ZNF84: variants seen among roughly 807,000 people sequenced by gnomAD.
ZNF84 encodes zinc finger protein HPF2.
Under a neutral mutation model 14.8 loss-of-function variants are expected in ZNF84, and 12 were observed. That is an observed-to-expected ratio of 0.81 (90% confidence interval 0.52 to 1.31). The LOEUF (loss-of-function observed/expected upper bound fraction) is 1.31. Ranked by LOEUF, ZNF84 falls within the 50% of genes most tolerant of loss-of-function variation. ZNF84 has a pLI of 0.00. For missense variants in ZNF84, 859 were observed against 878.6 expected, an observed-to-expected ratio of 0.98 and a Z score of 0.28; for synonymous variants, 347 against 291.1, an observed-to-expected ratio of 1.19 and a Z score of -1.96.
At position 133,062,946 on chromosome 12, in the gene ZNF84, G is replaced by A. The variant is rs1355651387; in HGVS notation, c.*4014G>A. ...CTATTGAATCTATATGAACCTGTAC[G>A]TGTGTTTCTCACTGTGATAATATAA... On this transcript the variant is annotated 3_prime_UTR_variant, in exon 5 of 5. Coordinates refer to ENST00000539354, the MANE Select transcript of ZNF84 (RefSeq NM_001289971.2). 11 of 614,056 alleles carry A rather than the reference G, an allele frequency of 1.8e-5. No individual in the cohort carries two copies. Among genetic ancestry groups the A allele is most frequent in the South Asian group, 1.8e-4 (9 of 51,020 alleles). 38.0% of individuals were successfully genotyped at this position (614,056 alleles called of 1,614,324 possible).
At chr12:133,052,851 G>A (rs1954095670) in intron 4 of ZNF84, among the ~76,000 whole-genome samples, 1 of 152,172 alleles carries the variant, frequency 6.6e-6, no homozygotes, top group Non-Finnish European at 1.5e-5. Context: ...ATGAGCATGG[G>A]GAAAAGTGTC....
In ZNF84 at chr12:133,063,264, C is replaced by G. The variant is rs1359525949; in HGVS notation, c.*4332C>G. ...GATTGTTGAATTCTTCTGTGAGATACTCCAAATATCCTAATAAATTCTCAT... is the reference window on the plus strand; with the variant it reads ...GATTGTTGAATTCTTCTGTGAGATAGTCCAAATATCCTAATAAATTCTCAT... On this transcript the variant is annotated 3_prime_UTR_variant, in exon 5 of 5. Transcript: ENST00000539354. The G allele has an allele frequency of 4.3e-6, 3 of 702,110 alleles. No homozygotes were observed. Among genetic ancestry groups the G allele is most frequent in the African/African-American group, 3.5e-5 (2 of 57,232 alleles). 43.5% of individuals were successfully genotyped at this position (702,110 alleles called of 1,614,324 possible).
In ZNF84 at chr12:133,059,079, T is replaced by C; in HGVS notation, c.*147T>C. On this transcript the variant is annotated 3_prime_UTR_variant, in exon 5 of 5. Transcript: ENST00000539354. The stretch of plus-strand genomic sequence containing the variant: ...AATGAGGTGGTGTATGGAAAGCCGA[T>C]CATAATTCATAGAGTAGAGTGAACC... 1 of 788,574 alleles carries C rather than the reference T, an allele frequency of 1.3e-6. No individual in the cohort carries two copies. The highest frequency in any genetic ancestry group is 1.9e-5 in the South Asian group (1 of 53,420). The allele number at this position is 788,574 out of a possible 1,614,324, so 48.8% of individuals were successfully genotyped here.
At chr12:133,052,053 A>C (rs1054986369) in intron 4 of ZNF84, among the ~76,000 whole-genome samples, 1 of 152,226 alleles carries the variant, frequency 6.6e-6, no homozygotes, top group Non-Finnish European at 1.5e-5. Context: ...TAAGCAGGAA[A>C]AAATTCAGAT....
At chr12:133,053,877 C>T (rs1026862343) in intron 4 of ZNF84, among the ~76,000 whole-genome samples, 42 of 152,182 alleles carry the variant, frequency 2.8e-4, no homozygotes, top group Non-Finnish European at 5.4e-4. Context: ...ATTCTTGATT[C>T]TTTTTCCCTT....
chr12:133,060,502 G>C lies in ZNF84; in HGVS notation c.*1570G>C, dbSNP rs1954242280. The C allele has an allele frequency of 6.6e-6, 1 of 152,114 alleles. No individual in the cohort carries two copies. The highest frequency in any genetic ancestry group is 2.1e-4 in the South Asian group (1 of 4,830). 9.4% of individuals were successfully genotyped at this position (152,114 alleles called of 1,614,324 possible). On this transcript the variant is annotated 3_prime_UTR_variant, in exon 5 of 5. Coordinates refer to ENST00000539354, the MANE Select transcript of ZNF84 (RefSeq NM_001289971.2). ...CCAACTTACCAAACATCATAGCTTA[G>C]CGTAGCCTACCTTAAACATTCTCAG...
Position 133,058,364 on chromosome 12 carries a change from A to G in ZNF84, c.1649A>G (p.Lys550Arg), listed in dbSNP as rs61735099. The change falls in exon 5 of 5, where the codon AAG becomes AGG. Residue 550 changes from lysine to arginine, a missense_variant. Transcript: ENST00000539354. ...CCCTATGAATGCAGTGAATGTGGGA[A>G]GGCCTTTGGTGAGAAGTCAAGTCTT... ...EKPYECSECGKAFGEKSSLAT... is the reference protein window; with the variant it reads ...EKPYECSECGRAFGEKSSLAT... 30,301 of 1,614,156 alleles carry G rather than the reference A, an allele frequency of 0.019. 714 individuals are homozygous for G. Among genetic ancestry groups the G allele is most frequent in the Admixed American group, 0.12 (7,142 of 60,020 alleles).
chr12:133,038,159 A>G (rs1953821842), intron 1 of ZNF84, among the ~76,000 whole-genome samples: 1 of 152,172 alleles, frequency 6.6e-6, no homozygotes, highest in East Asian at 1.9e-4. Context: ...AATTTAACCC[A>G]CTGAAAGTAG....
chr12:133,058,722 C>A lies in ZNF84; in HGVS notation c.2007C>A (p.His669Gln). The change falls in exon 5 of 5, where the codon CAC becomes CAA. Residue 669 changes from histidine (H) to glutamine (Q), a missense_variant. Physicochemically the swap from His to Gln is conservative, Grantham distance 24. Coordinates refer to ENST00000539354, the MANE Select transcript of ZNF84 (RefSeq NM_001289971.2). The stretch of plus-strand genomic sequence containing the variant: ...GCAAAGCTTTCTCTCGGAAGTCACA[C>A]CTTATACCACATCAAAGGACACATA... ...ECGKAFSRKSHLIPHQRTHTG... is the reference protein window; with the variant it reads ...ECGKAFSRKSQLIPHQRTHTG... The A allele has an allele frequency of 7.4e-6, 12 of 1,612,994 alleles. No individual in the cohort carries two copies. Among genetic ancestry groups the A allele is most frequent in the Non-Finnish European group, 9.3e-6 (11 of 1,179,702 alleles).
Position 133,059,833 on chromosome 12 carries a change from C to T in ZNF84, c.*901C>T, listed in dbSNP as rs1191917058. On this transcript the variant is annotated 3_prime_UTR_variant, in exon 5 of 5. Coordinates refer to ENST00000539354, the MANE Select transcript of ZNF84 (RefSeq NM_001289971.2). ...ATGAATAAGTACCTTAAGTGATAAC[C>T]CGTTTCTTTTAACTTATAGACATAC... 11 of 152,060 alleles carry T rather than the reference C, an allele frequency of 7.2e-5. No homozygotes were observed. The highest frequency in any genetic ancestry group is 2.2e-4 in the African/African-American group (9 of 41,408). 9.4% of individuals were successfully genotyped at this position (152,060 alleles called of 1,614,324 possible).
At chr12:133,039,743 G>C (rs1593692793) in intron 1 of ZNF84, among the ~76,000 whole-genome samples, 2 of 151,944 alleles carry the variant, frequency 1.3e-5, no homozygotes, top group Non-Finnish European at 2.9e-5. Flanking sequence ...ATTTTAGCAA[G>C]TACAGAAATT....
intron 4 of ZNF84, 114 bp from the exon 5 acceptor site, chr12:133,056,840 G>A (rs1474500295): frequency 8.7e-6 from 7 of 801,296 alleles, no homozygotes; most frequent in African/African-American, 3.6e-5. Context: ...TTTCAGACTC[G>A]GAAACTAAGC....
chr12:133,050,287 T>C (rs1954049568), intron 4 of ZNF84, among the ~76,000 whole-genome samples: 1 of 152,190 alleles, frequency 6.6e-6, no homozygotes, highest in Non-Finnish European at 1.5e-5. Context: ...CTTGATACTC[T>C]GAGGTACCAG....
chr12:133,039,607 A>G (rs1403326580), intron 1 of ZNF84, among the ~76,000 whole-genome samples: 1 of 152,188 alleles, frequency 6.6e-6, no homozygotes, highest in East Asian at 1.9e-4. Flanking sequence ...TGCTTAGTAT[A>G]TTGTCTCACA....
At chr12:133,045,020 C>T (rs1953954707) in intron 2 of ZNF84, among the ~76,000 whole-genome samples, 1 of 152,094 alleles carries the variant, frequency 6.6e-6, no homozygotes, top group Non-Finnish European at 1.5e-5. Context: ...CAATAAGATC[C>T]ACCATTTTAA....
rs1954271002 is a variant in ZNF84, at chr12:133,061,913, T to A, written c.*2981T>A. ...TCTGATTCTGCAATTAGAGATTTTT[T>A]AATGTGTTTTTGAAATTACCTTGTA... On this transcript the variant is annotated 3_prime_UTR_variant, in exon 5 of 5. Coordinates refer to ENST00000539354, the MANE Select transcript of ZNF84 (RefSeq NM_001289971.2). The A allele has an allele frequency of 6.6e-6, 1 of 152,206 alleles. No individual in the cohort carries two copies. Among genetic ancestry groups the A allele is most frequent in the African/African-American group, 2.4e-5 (1 of 41,436 alleles). 9.4% of individuals were successfully genotyped at this position (152,206 alleles called of 1,614,324 possible).
At chr12:133,041,240 A>C (rs1953881711) in intron 1 of ZNF84, 38 bp from the exon 2 acceptor site, 1 of 508,956 alleles carries the variant, frequency 2.0e-6, no homozygotes, top group African/African-American at 1.9e-5. Context: ...TTTCATGTGC[A>C]ATGTGAATAT....
rs1954250236 is a variant in ZNF84 at position 133,060,848 on chromosome 12, A to G, written c.*1916A>G. 1 of 152,242 alleles carries G rather than the reference A, an allele frequency of 6.6e-6. No individual in the cohort carries two copies. The highest frequency in any genetic ancestry group is 6.5e-5 in the Admixed American group (1 of 15,284). The allele number at this position is 152,242 out of a possible 1,614,324, so 9.4% of individuals were successfully genotyped here. Reference sequence around the variant, plus strand: ...AAGGATTTTGTAATGTTCTCTCAATAATGTTGCTTGGCAAAGTTAATATTT... The same window carrying G: ...AAGGATTTTGTAATGTTCTCTCAATGATGTTGCTTGGCAAAGTTAATATTT... On this transcript the variant is annotated 3_prime_UTR_variant, in exon 5 of 5. Transcript: ENST00000539354.
Position 133,041,405 on chromosome 12 carries a change from G to A in ZNF84, c.-63G>A, listed in dbSNP as rs7961667. ...CTCACTCCACAGTTTTGGGGCAGAA[G>A]CAGAAGAGACGCACAGTAGAACCGA... is the stretch of plus-strand genomic sequence containing the variant. On this transcript the variant is annotated 5_prime_UTR_variant, in exon 2 of 5. Coordinates refer to ENST00000539354, the MANE Select transcript of ZNF84 (RefSeq NM_001289971.2). 0.16 allele frequency: 258,779 copies of A among 1,577,362 alleles called. 23,487 individuals carry two copies. Among genetic ancestry groups the A allele is most frequent in the African/African-American group, 0.34 (24,801 of 73,970 alleles).
Sources: gnomAD v4.1 joint callset for allele counts (sites outside exome capture counted in the v4.1 genomes callset) on GRCh38, gnomAD v4.1.1 for gene constraint, MANE v1.5 for transcripts, NCBI Gene and HGNC (gene_info 2026-07-23, HGNC 2026-07-21) for gene names.